Variants in SBF2 observed in about 807,000 individuals in gnomAD.
The protein encoded by SBF2 is SET binding factor 2, also known as myotubularin-related protein 13.
In SBF2, 112 loss-of-function variants were observed where a neutral mutation model predicts 225.2. The ratio of observed to expected loss-of-function variants is 0.50; its 90% CI spans 0.43 to 0.58. The LOEUF (loss-of-function observed/expected upper bound fraction) is 0.58, where lower values mean the gene tolerates loss of function less well. Among genes scored for constraint, SBF2 ranks in the 20% least tolerant of loss-of-function variants. The probability of loss-of-function intolerance (pLI) is 0.00; values close to 1 mark genes in which losing one functional copy is unlikely to be tolerated. For missense variants in SBF2, 1,996 were observed against 2,206.2 expected, an observed-to-expected ratio of 0.90 and a Z score of 1.91; for synonymous variants, 763 against 773.3, an observed-to-expected ratio of 0.99 and a Z score of 0.22.
chr11:9,893,406 G>A (rs536301769), intron 17 of SBF2, among the ~76,000 whole-genome samples: 1 of 152,234 alleles, frequency 6.6e-6, no homozygotes, highest in East Asian at 1.9e-4. Context: ...ACTGGAACTG[G>A]CCCTTATAAA....
Position 9,781,010 on chromosome 11 carries a change from T to C in SBF2, c.5452-494A>G, listed in dbSNP as rs181421289. The stretch of plus-strand genomic sequence containing the variant: ...CAGGGCCATAGAGGATGACCTATCC[T>C]CTTTATAAAGCCCTGCTTGACTCCA... On this transcript the variant is annotated intron_variant, in intron 39 of 39. Coordinates refer to ENST00000256190, the MANE Select transcript of SBF2 (RefSeq NM_030962.4). Among the ~76,000 whole-genome samples the C allele has an allele frequency of 1.3e-4, 20 of 152,346 alleles. No homozygotes were observed. In the East Asian group the frequency reaches 3.5e-3, roughly 26 times the overall value.
At chr11:10,193,722 T>C (rs1477827525) in intron 2 of SBF2, among the ~76,000 whole-genome samples, 180 bp downstream of exon 2, 1 of 152,188 alleles carries the variant, frequency 6.6e-6, no homozygotes, top group Non-Finnish European at 1.5e-5. Context: ...CTAGAATTAA[T>C]ATATTCAAAG....
At chr11:9,860,163 G>C (rs1014875521) in intron 17 of SBF2, among the ~76,000 whole-genome samples, 9 of 151,986 alleles carry the variant, frequency 5.9e-5, no homozygotes, top group Admixed American at 4.6e-4. Context: ...AGACACTTGG[G>C]ACATGGATTA....
At chr11:9,826,772 T>C (rs1341786521) in intron 28 of SBF2, among the ~76,000 whole-genome samples, 2 of 151,788 alleles carry the variant, frequency 1.3e-5, no homozygotes, top group Admixed American at 1.3e-4. Context: ...TGTATGTATA[T>C]ATATACACAC....
intron 16 of SBF2, among the ~76,000 whole-genome samples, chr11:9,938,157 G>A (rs113239390): frequency 3.3e-5 from 5 of 152,188 alleles, no homozygotes; most frequent in African/African-American, 9.6e-5. Flanking sequence ...CGGGCGTGGT[G>A]GCGGGCGCCT....
intron 1 of SBF2, among the ~76,000 whole-genome samples, chr11:10,199,051 T>G (rs1957481969): frequency 6.6e-6 from 1 of 152,222 alleles, no homozygotes; most frequent in South Asian, 2.1e-4. Context: ...TTGACTTATC[T>G]TGGCCTTTGA....
At chr11:9,932,957 C>CAAAAAAAAAAAAAAAAAAAAAAAAAA (rs574177096) in intron 16 of SBF2, among the ~76,000 whole-genome samples, 1 of 58,744 alleles carries the variant, frequency 1.7e-5, no homozygotes. Flanking sequence ...AAACGAAAAG[C>CAAAAAAAAAAAAAAAAAAAAAAAAAA]AAAAAAAAAA....
Position 9,962,120 on chromosome 11 carries a change from A to T in SBF2, c.1711-14T>A. ...AGCAGGAAGGGTCTGAGGACAAGAGAGGTACAAATGACCAAATGGTACCAC... is the reference window on the plus strand; with the variant it reads ...AGCAGGAAGGGTCTGAGGACAAGAGTGGTACAAATGACCAAATGGTACCAC... On this transcript the variant is annotated splice_polypyrimidine_tract_variant and intron_variant, in intron 15 of 39. Coordinates refer to ENST00000256190, the MANE Select transcript of SBF2 (RefSeq NM_030962.4). 1 of 1,613,860 alleles carries T rather than the reference A, an allele frequency of 6.2e-7. No individual in the cohort carries two copies. The highest frequency in any genetic ancestry group is 8.5e-7 in the Non-Finnish European group (1 of 1,179,798).
At chr11:9,992,761 C>A (rs1260932941) in intron 11 of SBF2, among the ~76,000 whole-genome samples, 2 of 151,932 alleles carry the variant, frequency 1.3e-5, no homozygotes, top group Non-Finnish European at 2.9e-5. Context: ...GAGAAGAAAT[C>A]AGAAATTAAC....
chr11:9,787,791 G>T, intron 35 of SBF2, 53 bp from the exon 36 acceptor site: 1 of 1,465,276 alleles, frequency 6.8e-7, no homozygotes, highest in African/African-American at 1.4e-5. Flanking sequence ...ATCAGGATGG[G>T]CCCCAAAGCC....
chr11:9,928,391 A>G (rs1241462728), intron 16 of SBF2, among the ~76,000 whole-genome samples: 1 of 152,222 alleles, frequency 6.6e-6, no homozygotes, highest in African/African-American at 2.4e-5. Flanking sequence ...AATTAAAACC[A>G]CATGAGATAC....
intron 13 of SBF2, among the ~76,000 whole-genome samples, chr11:9,972,292 C>G (rs1167609572): frequency 1.3e-5 from 2 of 152,114 alleles, no homozygotes; most frequent in African/African-American, 2.4e-5. Context: ...CAGAATGAAT[C>G]TAAAGGCTGT....
chr11:10,098,703 A>ACT (rs1952152703), intron 2 of SBF2, among the ~76,000 whole-genome samples: 1 of 151,436 alleles, frequency 6.6e-6, no homozygotes, highest in Admixed American at 6.6e-5. Context: ...ACACACACAC[A>ACT]CACACACACA....
chr11:9,907,346 C>G (rs1190534460), intron 16 of SBF2, among the ~76,000 whole-genome samples: 3 of 152,194 alleles, frequency 2.0e-5, no homozygotes, highest in Non-Finnish European at 4.4e-5. Flanking sequence ...TTATCACCTT[C>G]TATTCCACAT....
intron 1 of SBF2, among the ~76,000 whole-genome samples, chr11:10,293,527 C>T (rs1046895477): frequency 6.6e-6 from 1 of 152,206 alleles, no homozygotes; most frequent in African/African-American, 2.4e-5. Context: ...ACTAGGCCCC[C>T]AACAGCACAG....
At chr11:10,206,041 A>G (rs1407810357) in intron 1 of SBF2, among the ~76,000 whole-genome samples, 1 of 151,818 alleles carries the variant, frequency 6.6e-6, no homozygotes, top group Admixed American at 6.6e-5. Context: ...CATGAGTCAG[A>G]ATCTCTCATG....
chr11:10,057,874 C>T (rs1950306061), intron 2 of SBF2, among the ~76,000 whole-genome samples: 2 of 152,178 alleles, frequency 1.3e-5, no homozygotes, highest in African/African-American at 4.8e-5. Flanking sequence ...TGCTGGATCA[C>T]ACCCCAAAGC....
intron 2 of SBF2, among the ~76,000 whole-genome samples, chr11:10,082,268 A>G (rs1227191484): frequency 6.6e-6 from 1 of 152,214 alleles, no homozygotes; most frequent in African/African-American, 2.4e-5. Context: ...GTCCAGGACC[A>G]GAGAATTCAC....
chr11:9,853,426 AAAAT>A (rs1472139522), intron 20 of SBF2, 110 bp downstream of exon 20: 8 of 931,836 alleles, frequency 8.6e-6, no homozygotes, highest in African/African-American at 1.7e-5. Flanking sequence ...AACTAATCAG[AAAAT>A]AAATAAATAG....
Sources: gnomAD v4.1 joint callset for allele counts (sites outside exome capture counted in the v4.1 genomes callset) on GRCh38, gnomAD v4.1.1 for gene constraint, MANE v1.5 for transcripts, NCBI Gene and HGNC (gene_info 2026-07-23, HGNC 2026-07-21) for gene names.